TRARG1: variants seen among roughly 807,000 people sequenced by gnomAD.
The protein encoded by TRARG1 is trafficking regulator of GLUT4 (SLC2A4) 1 (gene/pseudogene), also known as trafficking regulator of GLUT4 1.
In TRARG1, 16 loss-of-function variants were observed where a neutral mutation model predicts 13.3. The observed-to-expected ratio is 1.20, with a 90% CI of 0.81 to 1.83. The LOEUF is 1.83. TRARG1 is among the 40% of genes most tolerant of loss of function. TRARG1 has a pLI of 0.00. For synonymous variants in TRARG1, 113 were observed against 106.2 expected, an observed-to-expected ratio of 1.06 and a Z score of -0.39; for missense variants, 250 against 237.4, an observed-to-expected ratio of 1.05 and a Z score of -0.35.
intron 1 of TRARG1, among the ~76,000 whole-genome samples, chr17:1,282,265 C>CGTATATGTACGTATATGTACATATGCGT (rs2071986032): frequency 1.9e-5 from 1 of 54,020 alleles, no homozygotes; most frequent in Non-Finnish European, 4.0e-5. Flanking sequence ...CGTATATGTA[C>CGTATATGTACGTATATGTACATATGCGT]ATATATGCAC....
chr17:1,300,116 C>T lies in TRARG1; in HGVS notation c.*1852C>T, dbSNP rs1251478160. On this transcript the variant is annotated 3_prime_UTR_variant, in exon 3 of 3. Transcript: ENST00000333813. ...GGTTTGCTTTATGGGATCTTTGAGA[C>T]CAAAACAGATGCTCCTGTTTGCTGG... 1 of 152,252 alleles carries T rather than the reference C, an allele frequency of 6.6e-6. No homozygotes were observed. The highest frequency in any genetic ancestry group is 1.5e-5 in the Non-Finnish European group (1 of 68,102). 9.4% of individuals were successfully genotyped at this position (152,252 alleles called of 1,614,324 possible).
chr17:1,285,683 C>T (rs1598189864), intron 1 of TRARG1, among the ~76,000 whole-genome samples: 1 of 151,960 alleles, frequency 6.6e-6, no homozygotes, highest in East Asian at 1.9e-4. Context: ...TGCTACTGCA[C>T]TCCAGCCTGG....
At chr17:1,286,457 C>A (rs1034019890) in intron 1 of TRARG1, among the ~76,000 whole-genome samples, 5 of 116,052 alleles carry the variant, frequency 4.3e-5, no homozygotes, top group Non-Finnish European at 7.0e-5. Flanking sequence ...GAGTTGTTAT[C>A]GGCCTGTGGG....
Position 1,279,934 on chromosome 17 carries a change from C to G in TRARG1, c.-68C>G. The G allele has an allele frequency of 6.6e-7, 1 of 1,519,638 alleles. No homozygotes were observed. The highest frequency in any genetic ancestry group is 8.8e-7 in the Non-Finnish European group (1 of 1,131,536). 94.1% of individuals were successfully genotyped at this position (1,519,638 alleles called of 1,614,324 possible). ...GCCCTCAGTCTGGGCTGGGGAATGG[C>G]GCGCTGAGGTCCCTCCAGAGCCCCT... On this transcript the variant is annotated 5_prime_UTR_variant, in exon 1 of 3. Coordinates refer to ENST00000333813, the MANE Select transcript of TRARG1 (RefSeq NM_172367.3).
intron 2 of TRARG1, among the ~76,000 whole-genome samples, chr17:1,296,357 C>T (rs1458801360): frequency 2.0e-5 from 3 of 151,682 alleles, no homozygotes; most frequent in African/African-American, 4.8e-5. Context: ...CCACCACGCC[C>T]GACTAATTTT....
chr17:1,282,062 G>GTATACACATATATACATATATGTACATA (rs2071979495), intron 1 of TRARG1, among the ~76,000 whole-genome samples: 1 of 145,378 alleles, frequency 6.9e-6, no homozygotes, highest in African/African-American at 2.7e-5. Context: ...ATATGTACAT[G>GTATACACATATATACATATATGTACATA]TATACACATA....
chr17:1,292,817 G>A (rs1051972427), intron 1 of TRARG1, among the ~76,000 whole-genome samples: 2 of 151,958 alleles, frequency 1.3e-5, no homozygotes, highest in Admixed American at 6.6e-5. Context: ...ACCTTTCTTC[G>A]TGTGATCACA....
At position 1,279,860 on chromosome 17, in the gene TRARG1, C is replaced by T. The variant is rs1192773936; in HGVS notation, c.-142C>T. ...AAGCTCAGCCCAACCCTTCCAGCAC[C>T]CAGCCGGCCCTCCGTCTCCTGAGGG... is the stretch of plus-strand genomic sequence containing the variant. On this transcript the variant is annotated 5_prime_UTR_variant, in exon 1 of 3. Transcript: ENST00000333813. The T allele has an allele frequency of 1.7e-5, 17 of 972,588 alleles. No homozygotes were observed. Among genetic ancestry groups the T allele is most frequent in the Non-Finnish European group, 2.3e-5 (16 of 681,558 alleles). The allele number at this position is 972,588 out of a possible 1,614,324, so 60.2% of individuals were successfully genotyped here. A position where few individuals can be genotyped will look rare whatever the true frequency, so the allele number is the denominator to read the frequency against.
chr17:1,284,482 C>T (rs1273137186), intron 1 of TRARG1, among the ~76,000 whole-genome samples: 1 of 152,046 alleles, frequency 6.6e-6, no homozygotes, highest in Non-Finnish European at 1.5e-5. Flanking sequence ...AGGGGACCCT[C>T]GTAGGAATGC....
At position 1,298,714 on chromosome 17, in the gene TRARG1, C is replaced by T. The variant is rs2072130614; in HGVS notation, c.*450C>T. The T allele has an allele frequency of 5.9e-6, 1 of 170,724 alleles. No individual in the cohort carries two copies. Among genetic ancestry groups the T allele is most frequent in the Admixed American group, 6.1e-5 (1 of 16,264 alleles). 10.6% of individuals were successfully genotyped at this position (170,724 alleles called of 1,614,324 possible). ...CGTGGGGCCCCATCTTTTGTGTTTT[C>T]CTCAAGCGGGGAAAGAATGGACTGT... On this transcript the variant is annotated 3_prime_UTR_variant, in exon 3 of 3. Transcript: ENST00000333813.
At position 1,282,840 on chromosome 17, in the gene TRARG1, C is replaced by T. The variant is rs1401636831; in HGVS notation, c.387+2452C>T. Among the ~76,000 whole-genome samples the T allele has an allele frequency of 3.3e-5, 5 of 151,940 alleles. No homozygotes were observed. In the East Asian group the frequency reaches 7.7e-4, roughly 24 times the overall value. The stretch of plus-strand genomic sequence containing the variant: ...AAGTAGCTGGCATTACAGGCGCTGG[C>T]CACCATGCCTGGCTAATTTTTGTAT... On this transcript the variant is annotated intron_variant, in intron 1 of 2. Transcript: ENST00000333813.
In TRARG1 at chr17:1,298,367, T is replaced by C. The variant is rs2150813676; in HGVS notation, c.*103T>C. On this transcript the variant is annotated 3_prime_UTR_variant, in exon 3 of 3. Coordinates refer to ENST00000333813, the MANE Select transcript of TRARG1 (RefSeq NM_172367.3). ...AGGGTGCTGACTGTCAAGCATCCCC[T>C]GTCCCCAAGTTCCAAAAGCACAGAC... 2.3e-6 allele frequency: 3 copies of C among 1,306,198 alleles called. No homozygotes were observed. The highest frequency in any genetic ancestry group is 2.6e-5 in the South Asian group (2 of 76,316). The allele number at this position is 1,306,198 out of a possible 1,614,324, so 80.9% of individuals were successfully genotyped here. A position where few individuals can be genotyped will look rare whatever the true frequency, so the allele number is the denominator to read the frequency against.
intron 2 of TRARG1, among the ~76,000 whole-genome samples, chr17:1,296,837 G>A (rs1004897605): frequency 6.6e-6 from 1 of 151,818 alleles, no homozygotes; most frequent in African/African-American, 2.4e-5. Flanking sequence ...TAGAGATGGG[G>A]TTGCATCACG....
chr17:1,281,365 C>G (rs1201671349), intron 1 of TRARG1, among the ~76,000 whole-genome samples: 2 of 92,456 alleles, frequency 2.2e-5, no homozygotes, highest in Admixed American at 1.4e-4. Context: ...GGCCAGAGGA[C>G]TAGGTGTGGA....
At chr17:1,295,462 C>T (rs371363392) in intron 1 of TRARG1, 29 bp from the exon 2 acceptor site, 4 of 1,564,258 alleles carry the variant, frequency 2.6e-6, no homozygotes, top group African/African-American at 1.4e-5. Flanking sequence ...CTTCCCGGTT[C>T]CCGGGGTCTC....
intron 1 of TRARG1, among the ~76,000 whole-genome samples, chr17:1,287,815 G>A (rs1567930349): frequency 6.6e-6 from 1 of 152,044 alleles, no homozygotes; most frequent in Non-Finnish European, 1.5e-5. Context: ...ATCAAGCCCG[G>A]CTGATATTTG....
At chr17:1,286,162 G>A (rs2072018460) in intron 1 of TRARG1, among the ~76,000 whole-genome samples, 1 of 152,248 alleles carries the variant, frequency 6.6e-6, no homozygotes, top group African/African-American at 2.4e-5. Context: ...CGATGGAACT[G>A]CTCAGAGGGA....
chr17:1,280,801 G>A (rs556531333), intron 1 of TRARG1, among the ~76,000 whole-genome samples: 8 of 152,246 alleles, frequency 5.3e-5, no homozygotes, highest in East Asian at 1.9e-4. Flanking sequence ...GGGTCCCAGC[G>A]CCCATGTGTC....
chr17:1,298,124 T>G (rs2072125648), intron 2 of TRARG1, 127 bp from the exon 3 acceptor site: 2 of 1,137,056 alleles, frequency 1.8e-6, no homozygotes, highest in Admixed American at 2.3e-5. Flanking sequence ...TCCCAAGCCT[T>G]AGCCTTCTCC....
Sources: gnomAD v4.1 joint callset for allele counts (sites outside exome capture counted in the v4.1 genomes callset) on GRCh38, gnomAD v4.1.1 for gene constraint, MANE v1.5 for transcripts, NCBI Gene and HGNC (gene_info 2026-07-23, HGNC 2026-07-21) for gene names.